TSPAN9: variants seen among roughly 807,000 people sequenced by gnomAD.
The protein encoded by TSPAN9 is tetraspanin-9.
TSPAN9 carries 16 observed loss-of-function variants against 31.0 expected under a neutral mutation model. That is an observed-to-expected ratio of 0.52 (90% CI 0.35 to 0.78). The LOEUF (loss-of-function observed/expected upper bound fraction) is 0.78. Ranked by LOEUF, TSPAN9 falls within the 30% of genes least tolerant of loss-of-function variation. The pLI, the probability that TSPAN9 is intolerant of heterozygous loss-of-function variation, is 0.01. For missense variants in TSPAN9, 272 were observed against 312.5 expected (o/e 0.87, Z 0.98); for synonymous variants, 145 against 121.6 (o/e 1.19, Z -1.27).
rs1591693316 is a variant in TSPAN9 at position 3,231,303 on chromosome 12, CAG to C, written c.63+30049_63+30050del. Among the ~76,000 whole-genome samples, 10 of 152,218 alleles carry C rather than the reference CAG, an allele frequency of 6.6e-5. 1 individual carries two copies. The East Asian group carries it at 1.9e-3, about 29-fold the overall frequency. On this transcript the variant is annotated intron_variant, in intron 3 of 8. Transcript: ENST00000011898. ...CCAGGCACTGCCCCTTTTTGGGCCTCAGAATTCCTGTCAGTTCACTTGAGCCC... is the reference window on the plus strand; with the variant it reads ...CCAGGCACTGCCCCTTTTTGGGCCTCAATTCCTGTCAGTTCACTTGAGCCC...
At chr12:3,097,093 C>T (rs1012520842) in intron 2 of TSPAN9, among the ~76,000 whole-genome samples, 4 of 152,114 alleles carry the variant, frequency 2.6e-5, no homozygotes, top group Non-Finnish European at 4.4e-5. Context: ...GGCCATTGCT[C>T]AGAATTTCAT....
At chr12:3,279,369 C>T (rs140533833) in intron 5 of TSPAN9, among the ~76,000 whole-genome samples, 63 of 152,286 alleles carry the variant, frequency 4.1e-4, no homozygotes, top group Admixed American at 8.5e-4. Context: ...CTAGTGAGCT[C>T]CCTCTCACTG....
At position 3,168,072 on chromosome 12, in the gene TSPAN9, A is replaced by T. The variant is rs1008657828; in HGVS notation, c.-17-33105A>T. Among the ~76,000 whole-genome samples the T allele has an allele frequency of 3.3e-5, 5 of 152,016 alleles. No homozygotes were observed. The highest frequency in any genetic ancestry group is 2.1e-4 in the South Asian group (1 of 4,826). ...TCCAGCGGACAAGCAGCAGCAGGAG[A>T]TACCCTCCCATGTCACTCATTCTGT... is the stretch of plus-strand genomic sequence containing the variant. On this transcript the variant is annotated intron_variant, in intron 2 of 8. Transcript: ENST00000011898. The surrounding 1 kb of genome is among the most constrained non-coding windows in gnomAD (Gnocchi z 4.0).
chr12:3,120,455 C>T (rs1044901940), intron 2 of TSPAN9, among the ~76,000 whole-genome samples: 5 of 152,184 alleles, frequency 3.3e-5, no homozygotes, highest in African/African-American at 1.2e-4. Context: ...TCTCCCCACT[C>T]CTGTGCCAGC....
At chr12:3,195,671 G>A (rs1403234295) in intron 2 of TSPAN9, among the ~76,000 whole-genome samples, 3 of 152,156 alleles carry the variant, frequency 2.0e-5, no homozygotes, top group Non-Finnish European at 2.9e-5. Flanking sequence ...CCTCCACCCC[G>A]ATGCCAGTGC....
intron 2 of TSPAN9, among the ~76,000 whole-genome samples, chr12:3,131,110 C>T (rs1273987533): frequency 7.0e-6 from 1 of 143,250 alleles, no homozygotes; most frequent in Non-Finnish European, 1.5e-5. Flanking sequence ...CCATCTTTGT[C>T]ATTTTCTCCA....
chr12:3,256,956 G>C (rs1220586072), intron 3 of TSPAN9, among the ~76,000 whole-genome samples: 1 of 152,170 alleles, frequency 6.6e-6, no homozygotes, highest in East Asian at 1.9e-4. Flanking sequence ...GATCCAGGGA[G>C]AACCTGGTTT....
intron 3 of TSPAN9, among the ~76,000 whole-genome samples, chr12:3,252,522 G>A (rs1369925902): frequency 1.3e-5 from 2 of 152,218 alleles, no homozygotes; most frequent in South Asian, 2.1e-4. Context: ...CCAGAGCTCC[G>A]GGGGTGGGGA....
intron 2 of TSPAN9, among the ~76,000 whole-genome samples, chr12:3,136,305 T>A: frequency 6.6e-6 from 1 of 152,186 alleles, no homozygotes; most frequent in East Asian, 1.9e-4. Context: ...GCAGGCTGGC[T>A]CCAGAGTCCC....
At chr12:3,251,175 C>T (rs1322495135) in intron 3 of TSPAN9, among the ~76,000 whole-genome samples, 1 of 152,186 alleles carries the variant, frequency 6.6e-6, no homozygotes, top group African/African-American at 2.4e-5. Context: ...CAAAGGCTGT[C>T]TTTGGAGATG....
At chr12:3,202,311 C>T (rs2098372404) in intron 3 of TSPAN9, among the ~76,000 whole-genome samples, 1 of 152,168 alleles carries the variant, frequency 6.6e-6, no homozygotes, top group Non-Finnish European at 1.5e-5. Context: ...TGCCCGTGGT[C>T]CAGGAGGAGC....
At chr12:3,230,015 G>T (rs192446394) in intron 3 of TSPAN9, among the ~76,000 whole-genome samples, 220 of 152,346 alleles carry the variant, frequency 1.4e-3, no homozygotes, top group Middle Eastern at 3.4e-3. Flanking sequence ...CAACGGAGCA[G>T]TGTGTAGATA....
intron 2 of TSPAN9, among the ~76,000 whole-genome samples, chr12:3,085,266 C>CT (rs1389024021): frequency 1.1e-4 from 16 of 151,910 alleles, no homozygotes; most frequent in African/African-American, 3.6e-4. Flanking sequence ...GACCGTCCTG[C>CT]TGTGCGGCAT....
chr12:3,280,257 C>G lies in TSPAN9; in HGVS notation c.331-125C>G. ...CCCCAGTGGGCAGGGCCTTCCAGAC[C>G]AGCTGCCTTCCCTGCCTTCCTCACT... On this transcript the variant is annotated intron_variant, in intron 5 of 8. Coordinates refer to ENST00000011898, the MANE Select transcript of TSPAN9 (RefSeq NM_006675.5). This position sits in a 1 kb window ranked among gnomAD's most constrained non-coding sequence, Gnocchi z 4.5. The G allele has an allele frequency of 1.2e-6, 1 of 834,772 alleles. No homozygotes were observed. The highest frequency in any genetic ancestry group is 2.6e-5 in the East Asian group (1 of 37,786). 51.7% of individuals were successfully genotyped at this position (834,772 alleles called of 1,614,324 possible).
chr12:3,096,358 T>TGGGA (rs2098308900), intron 2 of TSPAN9, among the ~76,000 whole-genome samples: 1 of 152,132 alleles, frequency 6.6e-6, no homozygotes, highest in African/African-American at 2.4e-5. Flanking sequence ...GCATGGGACT[T>TGGGA]CTGCGGCCTC....
rs1412253108 is a variant in TSPAN9, at chr12:3,168,986, C to T, written c.-17-32191C>T. Among the ~76,000 whole-genome samples, 5 of 152,170 alleles carry T rather than the reference C, an allele frequency of 3.3e-5. No homozygotes were observed. Among genetic ancestry groups the T allele is most frequent in the Non-Finnish European group, 1.5e-5 (1 of 68,040 alleles). ...GAGCTGGGAACATGAAGTGTGTGTA[C>T]GCTTCTCTTTTCGTCATTTCTCTCC... On this transcript the variant is annotated intron_variant, in intron 2 of 8. Coordinates refer to ENST00000011898, the MANE Select transcript of TSPAN9 (RefSeq NM_006675.5). This position sits in a 1 kb window ranked among gnomAD's most constrained non-coding sequence, Gnocchi z 4.0.
Position 3,189,985 on chromosome 12 carries a change from A to T in TSPAN9, c.-17-11192A>T, listed in dbSNP as rs1410401902. ...CTCTCACTCTATCAGCGAGAGTGGAACATGCACAGGCTCCCTCCCATGAGG... is the reference window on the plus strand; with the variant it reads ...CTCTCACTCTATCAGCGAGAGTGGATCATGCACAGGCTCCCTCCCATGAGG... On this transcript the variant is annotated intron_variant, in intron 2 of 8. Transcript: ENST00000011898. 2.6e-5 allele frequency among the ~76,000 whole-genome samples: 4 copies of T among 152,322 alleles called. No homozygotes were observed. The East Asian group carries it at 7.7e-4, about 29-fold the overall frequency.
rs535609885 is a variant in TSPAN9, at chr12:3,197,700, C to T, written c.-17-3477C>T. ...AGGTCACCACCAGCACAGGTCACACCAGCACAGGTCACCACCAGCACAGGT... is the reference window on the plus strand; with the variant it reads ...AGGTCACCACCAGCACAGGTCACACTAGCACAGGTCACCACCAGCACAGGT... On this transcript the variant is annotated intron_variant, in intron 2 of 8. Coordinates refer to ENST00000011898, the MANE Select transcript of TSPAN9 (RefSeq NM_006675.5). Among the ~76,000 whole-genome samples, 130 of 145,908 alleles carry T rather than the reference C, an allele frequency of 8.9e-4. 1 individual carries two copies. Among genetic ancestry groups the T allele is most frequent in the East Asian group, 7.6e-3 (37 of 4,864 alleles).
intron 3 of TSPAN9, among the ~76,000 whole-genome samples, chr12:3,246,765 C>T (rs1327884004): frequency 6.6e-6 from 1 of 152,220 alleles, no homozygotes; most frequent in Non-Finnish European, 1.5e-5. Flanking sequence ...CCCAGCTCCG[C>T]TCTCTGAATA....
Sources: allele counts gnomAD v4.1 joint callset (sites outside exome capture counted in the v4.1 genomes callset), GRCh38; gene constraint gnomAD v4.1.1; non-coding constraint Gnocchi (gnomAD v3.1); transcripts MANE v1.5; gene names NCBI Gene and HGNC (gene_info 2026-07-23, HGNC 2026-07-21).